Variants in TRIT1 observed in about 807,000 individuals in gnomAD.
The protein encoded by TRIT1 is tRNA isopentenyltransferase 1.
TRIT1 carries 43 observed loss-of-function variants against 51.2 expected under a neutral mutation model. The ratio of observed to expected loss-of-function variants is 0.84; its 90% confidence interval spans 0.66 to 1.08. The LOEUF is 1.08. Among genes scored for constraint, TRIT1 ranks in the 50% least tolerant of loss-of-function variants. TRIT1 has a pLI of 0.00. For missense variants in TRIT1, 528 were observed against 578.4 expected, an observed-to-expected ratio of 0.91 and a Z score of 0.89; for synonymous variants, 184 against 203.9, an observed-to-expected ratio of 0.90 and a Z score of 0.83.
In TRIT1 at chr1:39,847,680, A is replaced by G. The variant is rs773820521; in HGVS notation, c.816-20T>C. 6.2e-7 allele frequency: 1 copy of G among 1,614,176 alleles called. No individual in the cohort carries two copies. Among genetic ancestry groups the G allele is most frequent in the Non-Finnish European group, 8.5e-7 (1 of 1,180,034 alleles). On this transcript the variant is annotated intron_variant, in intron 6 of 10. Transcript: ENST00000316891. ...TCCTGGCTGGGAACAGGAGGGTATC[A>G]GCAGATAAGCCATTGCTCCTAAAAG...
intron 1 of TRIT1, among the ~76,000 whole-genome samples, chr1:39,866,330 G>A (rs749214992): frequency 3.9e-5 from 6 of 152,110 alleles, no homozygotes; most frequent in Non-Finnish European, 5.9e-5. Flanking sequence ...CTGTCACCAC[G>A]CCCAGCTAAT....
At chr1:39,844,716 T>C (rs987502275) in intron 8 of TRIT1, 76 bp from the exon 9 acceptor site, 120 of 1,020,124 alleles carry the variant, frequency 1.2e-4, no homozygotes, top group Non-Finnish European at 1.7e-4. Context: ...TCTGAAATCC[T>C]CCAGGGAAAT....
rs1652492266 is a variant in TRIT1 at position 39,839,698 on chromosome 1, A to G, written c.*2046T>C. On this transcript the variant is annotated 3_prime_UTR_variant, in exon 11 of 11. Coordinates refer to ENST00000316891, the MANE Select transcript of TRIT1 (RefSeq NM_017646.6). Reference sequence around the variant, plus strand: ...AGTGGGCTCAACCACACTGCCTTACACTTAGTAAGTGCTTCATAAATATTA... The same window carrying G: ...AGTGGGCTCAACCACACTGCCTTACGCTTAGTAAGTGCTTCATAAATATTA... Among the ~76,000 whole-genome samples, 1 of 152,160 alleles carries G rather than the reference A, an allele frequency of 6.6e-6. No individual in the cohort carries two copies. The highest frequency in any genetic ancestry group is 2.4e-5 in the African/African-American group (1 of 41,436).
intron 4 of TRIT1, 117 bp from the exon 5 acceptor site, chr1:39,850,378 G>C: frequency 7.5e-7 from 1 of 1,329,890 alleles, no homozygotes; most frequent in Non-Finnish European, 1.0e-6. Flanking sequence ...TTTCTTGAAA[G>C]CCAGTCACGA....
chr1:39,841,888 C>T lies in TRIT1; in HGVS notation c.1260G>A (p.Leu420=). Residue 420 remains leucine, a synonymous_variant, in exon 11 of 11, where the codon TTG becomes TTA. Coordinates refer to ENST00000316891, the MANE Select transcript of TRIT1 (RefSeq NM_017646.6). ...ATCTTCTTCTTTTCTTCAGTTGGTT[C>T]AAGTGGGATTTGGATTTTATGTGCG... The part of the protein sequence containing the change: ...WAAHIKSKSH[L]NQLKKRRRLD... 1 of 1,613,142 alleles carries T rather than the reference C, an allele frequency of 6.2e-7. No homozygotes were observed. Among genetic ancestry groups the T allele is most frequent in the Non-Finnish European group, 8.5e-7 (1 of 1,179,668 alleles).
At position 39,853,841 on chromosome 1, in the gene TRIT1, A is replaced by G. The variant is rs1570019644; in HGVS notation, c.414+129T>C. On this transcript the variant is annotated intron_variant, in intron 3 of 10. Coordinates refer to ENST00000316891, the MANE Select transcript of TRIT1 (RefSeq NM_017646.6). ...ACATGGAGGTGGCATTTGCTTGAGA[A>G]TATTAAGTAGGAAAATTATAGTTGC... 3 of 650,720 alleles carry G rather than the reference A, an allele frequency of 4.6e-6. No homozygotes were observed. In the East Asian group the frequency reaches 8.4e-5, roughly 18 times the overall value. 40.3% of individuals were successfully genotyped at this position (650,720 alleles called of 1,614,324 possible).
rs1275013116 is a variant in TRIT1, at chr1:39,883,438, G to A, written c.54C>T (p.Gly18=). Reference sequence around the variant, plus strand: ...CTACAAGAGGTAGGGTCCGTTGCAGGCCCCTGAGCCCACTGCCCACGGGAA... The same window carrying A: ...CTACAAGAGGTAGGGTCCGTTGCAGACCCCTGAGCCCACTGCCCACGGGAA... ...RAVPVGSGLR[G]LQRTLPLVVI... Residue 18 remains glycine (G), a synonymous_variant, in exon 1 of 11, where the codon GGC becomes GGT. Coordinates refer to ENST00000316891, the MANE Select transcript of TRIT1 (RefSeq NM_017646.6). 1 of 1,610,746 alleles carries A rather than the reference G, an allele frequency of 6.2e-7. No individual in the cohort carries two copies. Among genetic ancestry groups the A allele is most frequent in the Non-Finnish European group, 8.5e-7 (1 of 1,177,434 alleles).
chr1:39,868,486 T>C (rs1643671906), intron 1 of TRIT1, among the ~76,000 whole-genome samples: 1 of 151,412 alleles, frequency 6.6e-6, no homozygotes, highest in Admixed American at 6.6e-5. Flanking sequence ...CTACTAAAAA[T>C]ACAAAAAATT....
rs370899341 is a variant in TRIT1, at chr1:39,876,486, T to A, written c.174+6832A>T. On this transcript the variant is annotated intron_variant, in intron 1 of 10. Coordinates refer to ENST00000316891, the MANE Select transcript of TRIT1 (RefSeq NM_017646.6). ...AAAAGAAAACTAAATTCACTTACAA[T>A]GGAGGTGAACCAAGGGACCTAGAAA... is the stretch of plus-strand genomic sequence containing the variant. 3.3e-5 allele frequency among the ~76,000 whole-genome samples: 5 copies of A among 151,890 alleles called. No individual in the cohort carries two copies. The East Asian group carries it at 7.7e-4, about 23-fold the overall frequency.
intron 1 of TRIT1, chr1:39,876,182 T>C (rs1644047478): frequency 1.3e-5 from 2 of 152,198 alleles, no homozygotes; most frequent in South Asian, 2.1e-4. Context: ...GGAGCACATA[T>C]GTGAATTCCT....
intron 9 of TRIT1, 88 bp from the exon 10 acceptor site, chr1:39,844,306 T>C: frequency 8.4e-7 from 1 of 1,187,242 alleles, no homozygotes; most frequent in Non-Finnish European, 1.2e-6. Flanking sequence ...TTCCTAAAAT[T>C]CCTTTTTCTC....
At chr1:39,852,326 A>C (rs1642628363) in intron 4 of TRIT1, among the ~76,000 whole-genome samples, 1 of 152,206 alleles carries the variant, frequency 6.6e-6, no homozygotes, top group Non-Finnish European at 1.5e-5. Context: ...GACAGTTAAT[A>C]AAATCCACCT....
intron 1 of TRIT1, among the ~76,000 whole-genome samples, chr1:39,863,307 A>C (rs1419267701): frequency 6.6e-6 from 1 of 152,194 alleles, no homozygotes; most frequent in East Asian, 1.9e-4. Flanking sequence ...TCTACCAAAA[A>C]TTTAAAAATT....
intron 1 of TRIT1, among the ~76,000 whole-genome samples, chr1:39,872,756 C>CACACAA (rs778681366): frequency 1.7e-4 from 16 of 94,438 alleles, no homozygotes; most frequent in African/African-American, 5.2e-4. Context: ...GTACTAAACA[C>CACACAA]ACACACACAC....
At chr1:39,883,272 C>G (rs892081333) in intron 1 of TRIT1, 46 bp downstream of exon 1, 2 of 1,565,858 alleles carry the variant, frequency 1.3e-6, no homozygotes, top group South Asian at 2.3e-5. Context: ...GGTGTCCACG[C>G]GGCCTCCGGG....
In TRIT1 at chr1:39,874,178, T is replaced by TA. The variant is rs1643971373; in HGVS notation, c.174+9139dup. ...GACCGTGTCTCAATCAATCAATCAA[T>TA]AAAAAATTATAAAAACAATAATATA... is the stretch of plus-strand genomic sequence containing the variant. On this transcript the variant is annotated intron_variant, in intron 1 of 10. Transcript: ENST00000316891. Among the ~76,000 whole-genome samples the TA allele has an allele frequency of 9.2e-5, 14 of 152,096 alleles. 1 individual carries two copies. The South Asian group carries it at 2.9e-3, about 32-fold the overall frequency.
chr1:39,873,493 T>C (rs146389054), intron 1 of TRIT1, among the ~76,000 whole-genome samples: 525 of 152,258 alleles, frequency 3.4e-3, no homozygotes, highest in African/African-American at 0.012. Context: ...ACACTAAAGA[T>C]ACATGATGAC....
intron 7 of TRIT1, 100 bp from the exon 8 acceptor site, chr1:39,847,397 G>T: frequency 6.9e-7 from 1 of 1,443,582 alleles, no homozygotes; most frequent in Non-Finnish European, 9.7e-7. Flanking sequence ...AGCCACGGCA[G>T]TGCAATGTCA....
rs1191854886 is a variant in TRIT1, at chr1:39,844,211, T to C, written c.1124A>G (p.Lys375Arg). Reference sequence around the variant, plus strand: ...CATCTTTATTGGAGTGGCTGTAGGCTTGTGGCCCTAAAAGAACAAGGGTGG... The same window carrying C: ...CATCTTTATTGGAGTGGCTGTAGGCCTGTGGCCCTAAAAGAACAAGGGTGG... The part of the protein sequence containing the change: ...EIVQSFIQGH[K>R]PTATPIKMPY... The change falls in exon 10 of 11, where the codon AAG (lysine) becomes AGG (arginine). Residue 375 changes from lysine (K) to arginine (R), a missense_variant. Physicochemically the swap from Lys to Arg is conservative, Grantham distance 26. Coordinates refer to ENST00000316891, the MANE Select transcript of TRIT1 (RefSeq NM_017646.6). The C allele has an allele frequency of 8.1e-6, 13 of 1,613,528 alleles. No individual in the cohort carries two copies. The highest frequency in any genetic ancestry group is 2.2e-5 in the East Asian group (1 of 44,886).
Sources: allele counts gnomAD v4.1 joint callset (sites outside exome capture counted in the v4.1 genomes callset), GRCh38; gene constraint gnomAD v4.1.1; transcripts MANE v1.5; gene names NCBI Gene and HGNC (gene_info 2026-07-23, HGNC 2026-07-21).